The following MEOX2 variants were observed in gnomAD, a reference collection of about 807,000 sequenced individuals.
MEOX2 encodes homeobox protein MOX-2.
MEOX2 carries 11 observed loss-of-function variants against 27.0 expected under a neutral mutation model. That is an observed-to-expected ratio of 0.41 (90% CI 0.26 to 0.68). MEOX2 has a LOEUF of 0.68. Ranked by LOEUF, MEOX2 falls within the 30% of genes least tolerant of loss-of-function variation. The probability of loss-of-function intolerance (pLI) is 0.33; values close to 1 mark genes in which losing one functional copy is unlikely to be tolerated. For synonymous variants in MEOX2, 189 were observed against 155.4 expected, an observed-to-expected ratio of 1.22 and a Z score of -1.61; for missense variants, 436 against 385.4, an observed-to-expected ratio of 1.13 and a Z score of -1.10.
chr7:15,642,266 T>A (rs1033793763), intron 1 of MEOX2, among the ~76,000 whole-genome samples: 2 of 152,208 alleles, frequency 1.3e-5, no homozygotes, highest in Non-Finnish European at 2.9e-5. Context: ...CAGGTTTGTT[T>A]GCATCACATA....
At chr7:15,638,585 C>A (rs1248683424) in intron 1 of MEOX2, among the ~76,000 whole-genome samples, 2 of 151,978 alleles carry the variant, frequency 1.3e-5, no homozygotes, top group Non-Finnish European at 2.9e-5. Flanking sequence ...TTCTAGTGAA[C>A]CCATCACCTA....
At chr7:15,673,512 C>T (rs1782138921) in intron 1 of MEOX2, among the ~76,000 whole-genome samples, 1 of 145,242 alleles carries the variant, frequency 6.9e-6, no homozygotes, top group African/African-American at 2.5e-5. Flanking sequence ...TTCTGTATTA[C>T]TTCTTACAAC....
intron 2 of MEOX2, among the ~76,000 whole-genome samples, chr7:15,613,359 A>AAT (rs1167808611): frequency 3.4e-5 from 5 of 148,042 alleles, no homozygotes; most frequent in East Asian, 2.0e-4. Flanking sequence ...CATTTAAATA[A>AAT]ATATATATAT....
chr7:15,667,162 A>G (rs1377996275), intron 1 of MEOX2, among the ~76,000 whole-genome samples: 1 of 151,390 alleles, frequency 6.6e-6, no homozygotes, highest in Non-Finnish European at 1.5e-5. Flanking sequence ...GTGGTGGCAC[A>G]CGCCTGTTGT....
rs116358405 is a variant in MEOX2 at position 15,613,544 on chromosome 7, T to C, written c.691-933A>G. Among the ~76,000 whole-genome samples the C allele has an allele frequency of 6.7e-3, 1,014 of 152,242 alleles. 10 individuals are homozygous for C. The highest frequency in any genetic ancestry group is 0.023 in the African/African-American group (961 of 41,568). On this transcript the variant is annotated intron_variant, in intron 2 of 2. Coordinates refer to ENST00000262041, the MANE Select transcript of MEOX2 (RefSeq NM_005924.5). ...CTTCTAGCAAGCAAAGTGTTCTTTT[T>C]ACATTGTATTTCTCTGTCTACCCCA... is the stretch of plus-strand genomic sequence containing the variant.
chr7:15,667,350 C>T (rs1018794364), intron 1 of MEOX2, among the ~76,000 whole-genome samples: 13 of 147,684 alleles, frequency 8.8e-5, no homozygotes, highest in Admixed American at 3.4e-4. Flanking sequence ...AGGCAGCTGC[C>T]ACCCTTTTCC....
chr7:15,684,244 C>A (rs1782339470), intron 1 of MEOX2, among the ~76,000 whole-genome samples: 1 of 152,230 alleles, frequency 6.6e-6, no homozygotes, highest in South Asian at 2.1e-4. Flanking sequence ...GTACGCTCAT[C>A]AACCCGAACT....
intron 1 of MEOX2, among the ~76,000 whole-genome samples, chr7:15,670,157 A>G (rs1782072292): frequency 6.6e-6 from 1 of 152,026 alleles, no homozygotes; most frequent in Non-Finnish European, 1.5e-5. Context: ...ATGATTTCAT[A>G]TTTCTGATTT....
Position 15,625,189 on chromosome 7 carries a change from A to T in MEOX2, c.690+1557T>A, listed in dbSNP as rs200077329. Among the ~76,000 whole-genome samples the T allele has an allele frequency of 1.8e-4, 27 of 152,300 alleles. No homozygotes were observed. The East Asian group carries it at 4.6e-3, about 26-fold the overall frequency. ...ATTTCCTAGAATTCACCATCTCTAT[A>T]TAAGAACATTAGTGTGTAATTCTCC... On this transcript the variant is annotated intron_variant, in intron 2 of 2. Transcript: ENST00000262041.
At chr7:15,633,510 G>C (rs1291442691) in intron 1 of MEOX2, among the ~76,000 whole-genome samples, 1 of 151,930 alleles carries the variant, frequency 6.6e-6, no homozygotes, top group Non-Finnish European at 1.5e-5. Flanking sequence ...CAGATTTGCA[G>C]TGTGATGCCA....
intron 1 of MEOX2, among the ~76,000 whole-genome samples, chr7:15,631,838 A>T (rs541956992): frequency 6.7e-6 from 1 of 150,372 alleles, no homozygotes; most frequent in South Asian, 2.1e-4. Context: ...ATTTTTGGAA[A>T]TATCATAAAT....
chr7:15,650,304 T>C (rs899252357), intron 1 of MEOX2, among the ~76,000 whole-genome samples: 7 of 152,064 alleles, frequency 4.6e-5, no homozygotes, highest in Non-Finnish European at 7.4e-5. Context: ...CATAACTTAG[T>C]TGCAATGTTC....
chr7:15,659,032 C>G (rs1781867608), intron 1 of MEOX2, among the ~76,000 whole-genome samples: 1 of 152,296 alleles, frequency 6.6e-6, no homozygotes, highest in Non-Finnish European at 1.5e-5. Flanking sequence ...CAGGGTCTCT[C>G]TCTGGCACCC....
intron 1 of MEOX2, chr7:15,681,395 A>C (rs2115398015): frequency 6.6e-6 from 1 of 151,886 alleles, no homozygotes; most frequent in South Asian, 2.1e-4. Flanking sequence ...TATCAGGCTA[A>C]GTACATGTAG....
intron 1 of MEOX2, among the ~76,000 whole-genome samples, chr7:15,638,727 C>T (rs1781519844): frequency 6.6e-6 from 1 of 151,994 alleles, no homozygotes; most frequent in Non-Finnish European, 1.5e-5. Context: ...TAAGTGAGAA[C>T]ATGTGTATTT....
intron 1 of MEOX2, among the ~76,000 whole-genome samples, chr7:15,672,046 T>C (rs1232201353): frequency 6.6e-6 from 1 of 151,456 alleles, no homozygotes; most frequent in African/African-American, 2.4e-5. Flanking sequence ...TGAGCCAAGA[T>C]CGTACCACTA....
chr7:15,639,638 G>A (rs1053713712), intron 1 of MEOX2, among the ~76,000 whole-genome samples: 1 of 151,952 alleles, frequency 6.6e-6, no homozygotes, highest in Non-Finnish European at 1.5e-5. Context: ...GTTAATTTTT[G>A]TATATAGTGA....
At chr7:15,669,724 C>A (rs1300126570) in intron 1 of MEOX2, among the ~76,000 whole-genome samples, 1 of 152,182 alleles carries the variant, frequency 6.6e-6, no homozygotes, top group Non-Finnish European at 1.5e-5. Flanking sequence ...TTTCTAATGC[C>A]AGGATGAATA....
intron 1 of MEOX2, among the ~76,000 whole-genome samples, chr7:15,649,999 G>A (rs1214532816): frequency 1.3e-5 from 2 of 152,056 alleles, no homozygotes. Flanking sequence ...AACTCACAAA[G>A]TTGGTGACCA....
Sources: gnomAD v4.1 joint callset for allele counts (sites outside exome capture counted in the v4.1 genomes callset) on GRCh38, gnomAD v4.1.1 for gene constraint, MANE v1.5 for transcripts, NCBI Gene and HGNC (gene_info 2026-07-23, HGNC 2026-07-21) for gene names.